PCLO: variants seen among roughly 807,000 people sequenced by gnomAD.
PCLO encodes the protein piccolo presynaptic cytomatrix protein.
Under a neutral mutation model 427.5 loss-of-function variants are expected in PCLO, and 82 were observed. The observed-to-expected ratio is 0.19, with a 90% CI of 0.16 to 0.23. The LOEUF is 0.23. Ranked by LOEUF, PCLO falls within the 10% of genes least tolerant of loss-of-function variation. PCLO has a pLI of 1.00. For synonymous variants in PCLO, 2,357 were observed against 2,155.4 expected, an observed-to-expected ratio of 1.09 and a Z score of -2.59; for missense variants, 6,239 against 6,115.9, an observed-to-expected ratio of 1.02 and a Z score of -0.67.
intron 22 of PCLO, among the ~76,000 whole-genome samples, chr7:82,777,143 C>T (rs1790770993): frequency 6.6e-6 from 1 of 151,992 alleles, no homozygotes; most frequent in Non-Finnish European, 1.5e-5. Context: ...CTGCCTTAAT[C>T]CCAATCACAA....
At chr7:83,043,854 G>T (rs191882470) in intron 3 of PCLO, among the ~76,000 whole-genome samples, 9 of 127,184 alleles carry the variant, frequency 7.1e-5, no homozygotes, top group South Asian at 2.6e-4. Context: ...TCATAACCTT[G>T]TTTTCTTCAT....
Position 83,019,471 on chromosome 7 carries a change from T to C in PCLO, c.3301-52984A>G, listed in dbSNP as rs193126966. The stretch of plus-strand genomic sequence containing the variant: ...CAAAATGTATTTTAAGGAAATAATA[T>C]AATTAATATAAATTTATACAAAGAG... On this transcript the variant is annotated intron_variant, in intron 3 of 24. Coordinates refer to ENST00000333891, the MANE Select transcript of PCLO (RefSeq NM_033026.6). Among the ~76,000 whole-genome samples the C allele has an allele frequency of 1.9e-3, 294 of 151,798 alleles. 1 individual carries two copies. The highest frequency in any genetic ancestry group is 0.01 in the Middle Eastern group (3 of 294).
chr7:82,843,406 G>A (rs1405863718), intron 13 of PCLO, among the ~76,000 whole-genome samples: 1 of 152,042 alleles, frequency 6.6e-6, no homozygotes, highest in Non-Finnish European at 1.5e-5. Flanking sequence ...TAAGAGAAAA[G>A]GAAGGATTGG....
intron 3 of PCLO, among the ~76,000 whole-genome samples, chr7:83,109,518 T>C (rs191919607): frequency 6.6e-6 from 1 of 152,284 alleles, no homozygotes; most frequent in Admixed American, 6.5e-5. Context: ...TTTCCAGCTG[T>C]CTGGCTTCAT....
chr7:82,821,826 A>G, intron 20 of PCLO: 1 of 982,406 alleles, frequency 1.0e-6, no homozygotes, highest in Non-Finnish European at 1.2e-6. Flanking sequence ...ATGCTTATAC[A>G]TATATTAATT....
chr7:82,952,384 G>C lies in PCLO; in HGVS notation c.8569C>G (p.Leu2857Val), dbSNP rs1307525836. The change falls in exon 5 of 25, where the codon CTA (leucine) becomes GTA (valine). Residue 2857 changes from leucine (L) to valine (V), a missense_variant. By Grantham distance (32) the Leu-to-Val change is conservative (BLOSUM62 1). Around this residue, in one of 5 missense-constraint regions of PCLO, gnomAD observed 4,677 missense variants for 4,468.4 expected, o/e 1.05. Transcript: ENST00000333891. ...AREEAPINLSLGTPAHAVTLA... is the reference protein window; with the variant it reads ...AREEAPINLSVGTPAHAVTLA... ...GTCACTGCATGTGCTGGAGTACCTA[G>C]AGATAAGTTTATTGGTGCTTCTTCC... is the stretch of plus-strand genomic sequence containing the variant. 1.9e-6 allele frequency: 3 copies of C among 1,613,926 alleles called. No individual in the cohort carries two copies. The highest frequency in any genetic ancestry group is 1.1e-5 in the South Asian group (1 of 91,082).
intron 22 of PCLO, among the ~76,000 whole-genome samples, chr7:82,777,285 T>A (rs188062565): frequency 1.3e-4 from 20 of 152,226 alleles, no homozygotes; most frequent in Admixed American, 4.6e-4. Flanking sequence ...CATCCCATGC[T>A]CACGGATAGG....
At chr7:83,107,761 G>T (rs1203369834) in intron 3 of PCLO, among the ~76,000 whole-genome samples, 3 of 145,536 alleles carry the variant, frequency 2.1e-5, no homozygotes, top group Admixed American at 7.0e-5. Flanking sequence ...GAGGCCAAGG[G>T]GGGCAGATCA....
chr7:82,847,361 A>G (rs1792531168), intron 10 of PCLO, 114 bp from the exon 11 acceptor site: 1 of 608,786 alleles, frequency 1.6e-6, no homozygotes, highest in African/African-American at 1.9e-5. Context: ...ACCATTTTAG[A>G]GAACATCAGT....
At position 82,953,254 on chromosome 7, in the gene PCLO, T is replaced by G. The variant is rs370127362; in HGVS notation, c.7699A>C (p.Lys2567Gln). ...GATTTGGAAAATCTTGGTGAAGACT[T>G]GTTGGAGTGTGGGGAAAGTGGGGAG... Reference protein sequence around the residue: ...PTSPLSPHSNKSSPRFSKSLT... With the variant: ...PTSPLSPHSNQSSPRFSKSLT... Residue 2567 changes from lysine (K) to glutamine (Q), a missense_variant, in exon 5 of 25, where the codon AAG (lysine) becomes CAG (glutamine). Physicochemically the swap from Lys to Gln is moderately conservative, Grantham distance 53. Coordinates refer to ENST00000333891, the MANE Select transcript of PCLO (RefSeq NM_033026.6). The G allele has an allele frequency of 6.3e-5, 101 of 1,613,834 alleles. No individual in the cohort carries two copies. In the African/African-American group the frequency reaches 1.0e-3, roughly 16 times the overall value.
intron 2 of PCLO, among the ~76,000 whole-genome samples, chr7:83,154,496 T>C (rs1344096082): frequency 6.6e-6 from 1 of 152,196 alleles, no homozygotes; most frequent in Non-Finnish European, 1.5e-5. Context: ...AATGAGTAGA[T>C]GCCCAGCATC....
At chr7:82,888,409 T>A (rs1793678374) in intron 9 of PCLO, among the ~76,000 whole-genome samples, 1 of 152,190 alleles carries the variant, frequency 6.6e-6, no homozygotes, top group African/African-American at 2.4e-5. Flanking sequence ...CTCTTAGCCA[T>A]AACTTATCCA....
At chr7:83,161,699 AT>A (rs1416215014) in intron 1 of PCLO, among the ~76,000 whole-genome samples, 4 of 152,236 alleles carry the variant, frequency 2.6e-5, no homozygotes, top group Non-Finnish European at 5.9e-5. Flanking sequence ...TGGCTTAAAA[AT>A]AGCATATGCT....
intron 9 of PCLO, among the ~76,000 whole-genome samples, chr7:82,890,690 G>A (rs1288158416): frequency 1.3e-5 from 2 of 151,814 alleles, no homozygotes; most frequent in Non-Finnish European, 2.9e-5. Context: ...TTATATCTTT[G>A]AGAACTATCA....
In PCLO at chr7:82,805,705, T is replaced by A. The variant is rs2129468819; in HGVS notation, c.14916A>T (p.Leu4972=). Residue 4972 remains leucine (L), a synonymous_variant, in exon 21 of 25, where the codon CTA becomes CTT. Coordinates refer to ENST00000333891, the MANE Select transcript of PCLO (RefSeq NM_033026.6). ...GSSSTAGETN[L]FPIPRIGKMG... The stretch of plus-strand genomic sequence containing the variant: ...CCACTTACATCCTCGGAATAGGAAA[T>A]AGATTAGTCTCCCCTGCAGTGCTGC... 2 of 1,612,848 alleles carry A rather than the reference T, an allele frequency of 1.2e-6. No individual in the cohort carries two copies. The highest frequency in any genetic ancestry group is 1.7e-6 in the Non-Finnish European group (2 of 1,179,436).
intron 6 of PCLO, among the ~76,000 whole-genome samples, chr7:82,931,595 T>G (rs917507614): frequency 2.4e-4 from 36 of 152,236 alleles, no homozygotes; most frequent in East Asian, 1.9e-4. Flanking sequence ...GGGAGGCCTG[T>G]TGGACTGGGG....
intron 2 of PCLO, among the ~76,000 whole-genome samples, chr7:83,138,828 G>C (rs1233235777): frequency 6.6e-6 from 1 of 151,882 alleles, no homozygotes; most frequent in South Asian, 2.1e-4. Context: ...GGCCTCTCGG[G>C]GGGTGGGGAA....
At chr7:83,082,816 G>A (rs760688926) in intron 3 of PCLO, among the ~76,000 whole-genome samples, 2 of 151,452 alleles carry the variant, frequency 1.3e-5, no homozygotes, top group Non-Finnish European at 3.0e-5. Context: ...ATCTGAAAAA[G>A]AAGGAAAAAT....
chr7:82,783,092 A>G (rs1450269941), intron 22 of PCLO, among the ~76,000 whole-genome samples: 2 of 152,220 alleles, frequency 1.3e-5, no homozygotes, highest in Non-Finnish European at 2.9e-5. Context: ...CTTGCCTTAT[A>G]GAACAACCTG....
Sources: allele counts gnomAD v4.1 joint callset (sites outside exome capture counted in the v4.1 genomes callset), GRCh38; gene constraint gnomAD v4.1.1; regional missense constraint gnomAD v4.1.1; transcripts MANE v1.5; gene names NCBI Gene and HGNC (gene_info 2026-07-23, HGNC 2026-07-21).